PIP4K2A: variants seen among roughly 807,000 people sequenced by gnomAD.
PIP4K2A encodes phosphatidylinositol-5-phosphate 4-kinase type 2 alpha.
In PIP4K2A, 14 loss-of-function variants were observed where a neutral mutation model predicts 42.9. The ratio of observed to expected loss-of-function variants is 0.33; its 90% CI spans 0.22 to 0.51. The LOEUF (loss-of-function observed/expected upper bound fraction) is 0.51. PIP4K2A is among the 20% of genes least tolerant of loss of function. The probability of loss-of-function intolerance (pLI) is 0.97; values close to 1 mark genes in which losing one functional copy is unlikely to be tolerated. For synonymous variants in PIP4K2A, 192 were observed against 192.2 expected, an observed-to-expected ratio of 1.00 and a Z score of 0.01; for missense variants, 434 against 519.8, an observed-to-expected ratio of 0.83 and a Z score of 1.61.
rs3074629 is a variant in PIP4K2A at position 22,553,789 on chromosome 10, CTTTTT to C, written c.679-3022_679-3018del. On this transcript the variant is annotated intron_variant, in intron 6 of 9. Transcript: ENST00000376573. ...GAAATGGGTATTACAGGTTGAAAAA[CTTTTT>C]TTTTTTTTTTTTTTTTTTTACAAAA... 3.0e-4 allele frequency among the ~76,000 whole-genome samples: 36 copies of C among 118,534 alleles called. 1 individual carries two copies. The highest frequency in any genetic ancestry group is 8.7e-4 in the South Asian group (3 of 3,460). The allele number at this position is 118,534 out of a possible 152,430, so 77.8% of individuals were successfully genotyped here.
At chr10:22,672,233 G>A (rs1273459385) in intron 1 of PIP4K2A, among the ~76,000 whole-genome samples, 1 of 151,576 alleles carries the variant, frequency 6.6e-6, no homozygotes, top group African/African-American at 2.4e-5. Context: ...TCAGCATCCT[G>A]AAAACAAGGT....
chr10:22,601,080 G>A (rs771103098), intron 3 of PIP4K2A, among the ~76,000 whole-genome samples: 5 of 124,004 alleles, frequency 4.0e-5, no homozygotes, highest in South Asian at 5.5e-4. Flanking sequence ...GCTGTTTCAC[G>A]ATGATTAAAA....
chr10:22,663,918 ATTC>A (rs1839256902), intron 1 of PIP4K2A, among the ~76,000 whole-genome samples: 1 of 150,002 alleles, frequency 6.7e-6, no homozygotes, highest in African/African-American at 2.5e-5. Flanking sequence ...CTGTATATAC[ATTC>A]TTCTAAAAAG....
Position 22,670,853 on chromosome 10 carries a change from C to T in PIP4K2A, c.144+43330G>A, listed in dbSNP as rs576668079. 6.6e-5 allele frequency among the ~76,000 whole-genome samples: 10 copies of T among 152,074 alleles called. No homozygotes were observed. In the South Asian group the frequency reaches 8.3e-4, roughly 13 times the overall value. ...CGTAATTCTAGCTTTTTTTAAAAAA[C>T]GGCAAATGTAAGTGTGACACTAGAA... On this transcript the variant is annotated intron_variant, in intron 1 of 9. Coordinates refer to ENST00000376573, the MANE Select transcript of PIP4K2A (RefSeq NM_005028.5).
At chr10:22,555,644 T>G (rs1836518964) in intron 6 of PIP4K2A, among the ~76,000 whole-genome samples, 1 of 152,160 alleles carries the variant, frequency 6.6e-6, no homozygotes, top group African/African-American at 2.4e-5. Context: ...AGGGTTAGTG[T>G]GTAAATCAAA....
At chr10:22,649,904 C>A (rs1168336530) in intron 1 of PIP4K2A, among the ~76,000 whole-genome samples, 1 of 152,162 alleles carries the variant, frequency 6.6e-6, no homozygotes, top group Non-Finnish European at 1.5e-5. Context: ...CCATTCATAT[C>A]CCTCTCCCAT....
rs114180605 is a variant in PIP4K2A at position 22,592,223 on chromosome 10, T to C, written c.340-442A>G. ...TCCCCCAATTCTGATAACATTCCCA[T>C]GCAATGGTTACGATTGCTATCATCA... On this transcript the variant is annotated intron_variant, in intron 3 of 9. Transcript: ENST00000376573. 3.8e-4 allele frequency among the ~76,000 whole-genome samples: 58 copies of C among 152,338 alleles called. 1 individual carries two copies. Among genetic ancestry groups the C allele is most frequent in the African/African-American group, 1.4e-3 (58 of 41,580 alleles).
chr10:22,685,152 T>C (rs1302925485), intron 1 of PIP4K2A, among the ~76,000 whole-genome samples: 6 of 152,094 alleles, frequency 3.9e-5, no homozygotes, highest in Non-Finnish European at 7.4e-5. Flanking sequence ...TATTTAAAGT[T>C]ATGAGATAAG....
chr10:22,559,153 T>TGCTA (rs1333636742), intron 6 of PIP4K2A, among the ~76,000 whole-genome samples: 1 of 152,200 alleles, frequency 6.6e-6, no homozygotes, highest in African/African-American at 2.4e-5. Flanking sequence ...TCAAGGAGTT[T>TGCTA]GCTAACTCCT....
chr10:22,565,449 A>G (rs1056523142), intron 6 of PIP4K2A, among the ~76,000 whole-genome samples: 1 of 152,190 alleles, frequency 6.6e-6, no homozygotes, highest in Non-Finnish European at 1.5e-5. Flanking sequence ...TAAATTGTAA[A>G]GATTTCATGG....
chr10:22,596,205 C>CAAAAAAAA lies in PIP4K2A; in HGVS notation c.340-4432_340-4425dup, dbSNP rs10681238. 5.3e-4 allele frequency among the ~76,000 whole-genome samples: 37 copies of CAAAAAAAA among 69,654 alleles called. 1 individual carries two copies. Among genetic ancestry groups the CAAAAAAAA allele is most frequent in the African/African-American group, 1.3e-3 (20 of 15,800 alleles). 45.7% of individuals were successfully genotyped at this position (69,654 alleles called of 152,430 possible). On this transcript the variant is annotated intron_variant, in intron 3 of 9. Coordinates refer to ENST00000376573, the MANE Select transcript of PIP4K2A (RefSeq NM_005028.5). ...GGGCAACAAGAGCAAAACTCCGTCT[C>CAAAAAAAA]AAAAAAAAAAAAAAAAAAAAGGATT...
At chr10:22,710,868 T>C (rs1833900200) in intron 1 of PIP4K2A, among the ~76,000 whole-genome samples, 1 of 152,246 alleles carries the variant, frequency 6.6e-6, no homozygotes, top group East Asian at 1.9e-4. Flanking sequence ...AAATAGGTTT[T>C]AAAATACTAA....
At chr10:22,549,860 A>C (rs113647876) in intron 7 of PIP4K2A, among the ~76,000 whole-genome samples, 1 of 137,764 alleles carries the variant, frequency 7.3e-6, no homozygotes, top group East Asian at 2.0e-4. Flanking sequence ...AAAAAAAAAA[A>C]AAAAAAAAAA....
At chr10:22,654,109 T>C (rs1006469773) in intron 1 of PIP4K2A, among the ~76,000 whole-genome samples, 2 of 152,192 alleles carry the variant, frequency 1.3e-5, no homozygotes, top group African/African-American at 4.8e-5. Flanking sequence ...GGTTCTGGAA[T>C]GGCAATGACT....
chr10:22,671,565 G>A (rs142867719), intron 1 of PIP4K2A, among the ~76,000 whole-genome samples: 1 of 152,244 alleles, frequency 6.6e-6, no homozygotes, highest in East Asian at 1.9e-4. Context: ...GGAGCTCCGA[G>A]GCTGTGCGAG....
At chr10:22,688,523 G>A (rs943062385) in intron 1 of PIP4K2A, among the ~76,000 whole-genome samples, 35 of 152,152 alleles carry the variant, frequency 2.3e-4, no homozygotes, top group Admixed American at 1.3e-4. Flanking sequence ...CACCATCTTG[G>A]CTCACTGCAG....
intron 3 of PIP4K2A, among the ~76,000 whole-genome samples, chr10:22,599,145 A>G (rs929289659): frequency 1.3e-5 from 2 of 152,220 alleles, no homozygotes; most frequent in Non-Finnish European, 2.9e-5. Context: ...AACTCCAAGC[A>G]TTCTTCTTCC....
At chr10:22,687,355 A>G (rs1235023601) in intron 1 of PIP4K2A, among the ~76,000 whole-genome samples, 1 of 152,170 alleles carries the variant, frequency 6.6e-6, no homozygotes, top group African/African-American at 2.4e-5. Flanking sequence ...AATGGTTATC[A>G]GAGCCGAGGT....
intron 1 of PIP4K2A, among the ~76,000 whole-genome samples, chr10:22,625,475 C>T (rs1838418676): frequency 6.6e-6 from 1 of 152,110 alleles, no homozygotes; most frequent in African/African-American, 2.4e-5. Flanking sequence ...GCCCTGATTT[C>T]ACATAAACAC....
Sources: allele counts gnomAD v4.1 joint callset (sites outside exome capture counted in the v4.1 genomes callset), GRCh38; gene constraint gnomAD v4.1.1; transcripts MANE v1.5; gene names NCBI Gene and HGNC (gene_info 2026-07-23, HGNC 2026-07-21).